Variants in CAPN2 observed in about 807,000 individuals in gnomAD.
CAPN2 encodes calpain 2.
In CAPN2, 92 loss-of-function variants were observed where a neutral mutation model predicts 102.3. The ratio of observed to expected loss-of-function variants is 0.90; its 90% CI spans 0.76 to 1.07. The LOEUF (loss-of-function observed/expected upper bound fraction) is 1.07, where lower values mean the gene tolerates loss of function less well. CAPN2 is among the 50% of genes least tolerant of loss of function. The pLI is 0.00. For synonymous variants in CAPN2, 340 were observed against 355.4 expected (o/e 0.96, Z 0.49); for missense variants, 800 against 909.4 (o/e 0.88, Z 1.55).
At chr1:223,738,116 C>G (rs549405187) in intron 2 of CAPN2, among the ~76,000 whole-genome samples, 1 of 152,156 alleles carries the variant, frequency 6.6e-6, no homozygotes, top group African/African-American at 2.4e-5. Context: ...ATAAACTTAT[C>G]AGAATCAGCT....
intron 2 of CAPN2, among the ~76,000 whole-genome samples, chr1:223,720,307 C>G (rs1020747369): frequency 8.3e-6 from 1 of 120,086 alleles, no homozygotes; most frequent in Non-Finnish European, 1.6e-5. Flanking sequence ...TATTTTCTCT[C>G]TTTCTCTCTT....
chr1:223,742,989 GT>G (rs1341275701), intron 2 of CAPN2, among the ~76,000 whole-genome samples: 2 of 152,152 alleles, frequency 1.3e-5, no homozygotes, highest in African/African-American at 4.8e-5. Context: ...CCTCCCCTTT[GT>G]TTGTGTTTTG....
At chr1:223,722,082 G>C (rs1038067294) in intron 2 of CAPN2, among the ~76,000 whole-genome samples, 4 of 152,114 alleles carry the variant, frequency 2.6e-5, no homozygotes, top group African/African-American at 9.6e-5. Context: ...ATAATCTAAG[G>C]GTGGAAATGC....
intron 2 of CAPN2, among the ~76,000 whole-genome samples, chr1:223,741,869 T>C (rs1233003602): frequency 1.3e-5 from 2 of 152,108 alleles, no homozygotes; most frequent in African/African-American, 4.8e-5. Flanking sequence ...CTCCATCTCC[T>C]GGGTTTAAGC....
chr1:223,712,520 T>C, upstream of CAPN2: 1 of 1,218,350 alleles, frequency 8.2e-7, no homozygotes, highest in Non-Finnish European at 1.0e-6. Flanking sequence ...GAATCATCGC[T>C]CGCAGCGGCG....
intron 2 of CAPN2, among the ~76,000 whole-genome samples, 197 bp downstream of exon 2, chr1:223,718,028 G>C: frequency 6.6e-6 from 1 of 152,240 alleles, no homozygotes; most frequent in Non-Finnish European, 1.5e-5. Context: ...CACAAATGAG[G>C]CCTCCTGTGT....
At chr1:223,735,622 G>A (rs1660437742) in intron 2 of CAPN2, among the ~76,000 whole-genome samples, 1 of 151,908 alleles carries the variant, frequency 6.6e-6, no homozygotes, top group Non-Finnish European at 1.5e-5. Context: ...TATCTGGGAT[G>A]TCTTTCCACC....
intron 2 of CAPN2, among the ~76,000 whole-genome samples, chr1:223,739,633 C>T (rs1660561258): frequency 6.6e-6 from 1 of 152,182 alleles, no homozygotes; most frequent in African/African-American, 2.4e-5. Context: ...AGCCATCCCA[C>T]CCTCCCCTCT....
chr1:223,715,781 G>A (rs536924476), intron 1 of CAPN2, among the ~76,000 whole-genome samples: 87 of 152,242 alleles, frequency 5.7e-4, no homozygotes, highest in African/African-American at 2.0e-3. Flanking sequence ...TTTCTCACTT[G>A]CTTATCTTCA....
In CAPN2 at chr1:223,759,275, T is replaced by C. The variant is rs769934022; in HGVS notation, c.1323T>C (p.Ser441=). Residue 441 remains serine, a synonymous_variant, in exon 12 of 21, where the codon AGT becomes AGC. Transcript: ENST00000295006. This position sits in a 1 kb window ranked among gnomAD's most constrained non-coding sequence, Gnocchi z 4.6. ...FGIYEVPEEL[S]GQTNIHLSKN... ...TTTCTCTATTTATTCCTCAGTTAAG[T>C]GGGCAGACCAACATCCACCTCAGCA... 6.2e-7 allele frequency: 1 copy of C among 1,614,058 alleles called. No homozygotes were observed. Among genetic ancestry groups the C allele is most frequent in the Non-Finnish European group, 8.5e-7 (1 of 1,179,894 alleles).
chr1:223,748,942 T>TCCGGCGGTCCCGC (rs1441181720), intron 5 of CAPN2, 97 bp from the exon 6 acceptor site: 104 of 1,138,354 alleles, frequency 9.1e-5, no homozygotes, highest in Non-Finnish European at 1.3e-4. Flanking sequence ...CGCTAGTGCG[T>TCCGGCGGTCCCGC]CCGGCGGTCC....
chr1:223,746,010 G>A, intron 4 of CAPN2, among the ~76,000 whole-genome samples: 1 of 152,210 alleles, frequency 6.6e-6, no homozygotes, highest in East Asian at 1.9e-4. Flanking sequence ...AGTTGAGTTT[G>A]TCCAGTGCTC....
In CAPN2 at chr1:223,707,429, A is replaced by G. The variant is rs141578950; in HGVS notation, c.3+5598A>G. On this transcript the variant is annotated intron_variant, in intron 1 of 20. Transcript: ENST00000433674. ...GTTTTCCACCATGAAGTGTTTGTCT[A>G]TGTCCTTGTGTTCCCGTGAAAAGGA... is the stretch of plus-strand genomic sequence containing the variant. Among the ~76,000 whole-genome samples the G allele has an allele frequency of 1.7e-4, 26 of 152,278 alleles. 1 individual carries two copies. The East Asian group carries it at 4.8e-3, about 28-fold the overall frequency.
chr1:223,704,865 A>T (rs1659568239), intron 1 of CAPN2, among the ~76,000 whole-genome samples: 1 of 152,228 alleles, frequency 6.6e-6, no homozygotes, highest in Non-Finnish European at 1.5e-5. Flanking sequence ...TAACCGAGGC[A>T]GGGGAAATGT....
At chr1:223,752,570 A>G (rs1169097000) in intron 8 of CAPN2, among the ~76,000 whole-genome samples, 2 of 152,158 alleles carry the variant, frequency 1.3e-5, no homozygotes, top group African/African-American at 2.4e-5. Flanking sequence ...GAGAGTTCTG[A>G]GCTTCAGAGA....
At chr1:223,769,073 A>AG (rs1161433223) in intron 16 of CAPN2, among the ~76,000 whole-genome samples, 2 of 152,044 alleles carry the variant, frequency 1.3e-5, no homozygotes, top group African/African-American at 2.4e-5. Context: ...AGTGGTGGTA[A>AG]GGGGCAGCCT....
intron 4 of CAPN2, among the ~76,000 whole-genome samples, chr1:223,746,282 C>T (rs1440959605): frequency 1.3e-5 from 2 of 152,148 alleles, no homozygotes; most frequent in East Asian, 3.9e-4. Flanking sequence ...GAGCACTAAG[C>T]CCTTGCCAAC....
intron 2 of CAPN2, among the ~76,000 whole-genome samples, chr1:223,741,474 G>A (rs978210519): frequency 1.5e-5 from 2 of 133,452 alleles, no homozygotes; most frequent in Admixed American, 7.6e-5. Flanking sequence ...ATATATTTGA[G>A]AGGGAGTCTC....
chr1:223,759,427 A>G lies in CAPN2; in HGVS notation c.1475A>G (p.Asn492Ser). The G allele has an allele frequency of 3.1e-6, 5 of 1,614,118 alleles. No individual in the cohort carries two copies. Among genetic ancestry groups the G allele is most frequent in the South Asian group, 1.1e-5 (1 of 91,072 alleles). Residue 492 changes from asparagine (N) to serine (S), a missense_variant, in exon 12 of 21, where the codon AAC (asparagine) becomes AGC (serine). By Grantham distance (46) the Asn-to-Ser change is conservative. Transcript: ENST00000295006. The surrounding 1 kb of genome is among the most constrained non-coding windows in gnomAD (Gnocchi z 4.6). ...YILVPSTFEP[N>S]KDGDFCIRVF... is the part of the protein sequence containing the mutation. ...CTCGTGCCTTCCACCTTCGAACCCAACAAGGATGGGGATTTCTGCATCCGG... is the reference window on the plus strand; with the variant it reads ...CTCGTGCCTTCCACCTTCGAACCCAGCAAGGATGGGGATTTCTGCATCCGG...
Sources: allele counts gnomAD v4.1 joint callset (sites outside exome capture counted in the v4.1 genomes callset), GRCh38; gene constraint gnomAD v4.1.1; non-coding constraint Gnocchi (gnomAD v3.1); transcripts MANE v1.5; gene names NCBI Gene and HGNC (gene_info 2026-07-23, HGNC 2026-07-21).